Variants in CMAS observed in about 807,000 individuals in gnomAD.
The protein encoded by CMAS is N-acylneuraminate cytidylyltransferase.
Under a neutral mutation model 53.4 loss-of-function variants are expected in CMAS, and 21 were observed. The observed-to-expected ratio is 0.39, with a 90% CI of 0.28 to 0.57. The LOEUF is 0.57. CMAS is among the 20% of genes least tolerant of loss of function. The pLI is 0.56. For missense variants in CMAS, 384 were observed against 534.9 expected (o/e 0.72, Z 2.78); for synonymous variants, 189 against 195.2 (o/e 0.97, Z 0.27).
chr12:22,049,048 G>T (rs1443333927), intron 1 of CMAS, among the ~76,000 whole-genome samples: 1 of 152,120 alleles, frequency 6.6e-6, no homozygotes, highest in Admixed American at 6.5e-5. Flanking sequence ...TAACACTTTA[G>T]TCACCGATTT....
intron 1 of CMAS, among the ~76,000 whole-genome samples, chr12:22,046,777 A>G (rs1950209693): frequency 6.6e-6 from 1 of 152,184 alleles, no homozygotes; most frequent in Admixed American, 6.5e-5. Context: ...GCCAATGGTC[A>G]TAACCTGGGA....
intron 1 of CMAS, among the ~76,000 whole-genome samples, chr12:22,046,895 C>G (rs1317439893): frequency 6.6e-6 from 1 of 152,226 alleles, no homozygotes; most frequent in East Asian, 1.9e-4. Flanking sequence ...AAGGAGGCCA[C>G]CCCGGTGCAA....
intron 6 of CMAS, 127 bp downstream of exon 6, chr12:22,061,579 C>T (rs893325256): frequency 2.4e-5 from 13 of 538,532 alleles, no homozygotes; most frequent in Admixed American, 7.9e-5. Flanking sequence ...GGCCTTCATA[C>T]GCCTAGAAAA....
intron 1 of CMAS, among the ~76,000 whole-genome samples, chr12:22,052,269 G>C (rs1000644341): frequency 2.4e-4 from 36 of 152,096 alleles, no homozygotes; most frequent in African/African-American, 8.4e-4. Flanking sequence ...ACTTTCTCAA[G>C]AAAATAAACT....
In CMAS at chr12:22,058,697, G is replaced by A; in HGVS notation, c.690G>A (p.Leu230=). 3 of 1,612,830 alleles carry A rather than the reference G, an allele frequency of 1.9e-6. No homozygotes were observed. Among genetic ancestry groups the A allele is most frequent in the Non-Finnish European group, 2.5e-6 (3 of 1,179,428 alleles). ...AKRHLIEMGY[L]QGGKMAYYEM... Reference sequence around the variant, plus strand: ...GACATTTGATAGAGATGGGTTACTTGCAGGTTTGTACCTTCATTTTGCATA... The same window carrying A: ...GACATTTGATAGAGATGGGTTACTTACAGGTTTGTACCTTCATTTTGCATA... The change falls in exon 4 of 8, where the codon TTG becomes TTA. Residue 230 remains leucine, a synonymous_variant. Coordinates refer to ENST00000229329, the MANE Select transcript of CMAS (RefSeq NM_018686.6).
At chr12:22,062,968 A>G (rs933448621) in intron 7 of CMAS, among the ~76,000 whole-genome samples, 1 of 152,234 alleles carries the variant, frequency 6.6e-6, no homozygotes, top group Admixed American at 6.5e-5. Flanking sequence ...ATCCCTAAAA[A>G]GGATTACTAT....
At chr12:22,055,341 TC>T (rs1950260942) in intron 2 of CMAS, 50 bp downstream of exon 2, 1 of 1,490,172 alleles carries the variant, frequency 6.7e-7, no homozygotes, top group Non-Finnish European at 9.1e-7. Flanking sequence ...CTTTTCTACT[TC>T]CTTTATTATC....
In CMAS at chr12:22,062,384, A is replaced by G. The variant is rs763452284; in HGVS notation, c.1064A>G (p.Asp355Gly). ...GTATCAGACAAGCTAGCAGTTGTAG[A>G]TGAATGGAGAAAAGAAATGGGCCTG... ...VSVSDKLAVVDEWRKEMGLCW... is the reference protein window; with the variant it reads ...VSVSDKLAVVGEWRKEMGLCW... Residue 355 changes from aspartate to glycine, a missense_variant, in exon 7 of 8, where the codon GAT (aspartate) becomes GGT (glycine). Physicochemically the swap from Asp to Gly is moderately conservative, Grantham distance 94. This residue lies in a region of CMAS where 134 missense variants were observed against 154.6 expected (regional missense o/e 0.87). Coordinates refer to ENST00000229329, the MANE Select transcript of CMAS (RefSeq NM_018686.6). The G allele has an allele frequency of 6.2e-7, 1 of 1,613,710 alleles. No homozygotes were observed. The highest frequency in any genetic ancestry group is 8.5e-7 in the Non-Finnish European group (1 of 1,179,824).
At chr12:22,054,305 C>A (rs1042079495) in intron 1 of CMAS, among the ~76,000 whole-genome samples, 1 of 152,144 alleles carries the variant, frequency 6.6e-6, no homozygotes, top group Non-Finnish European at 1.5e-5. Flanking sequence ...AACAAAACTT[C>A]AATAGAAACT....
rs1043346569 is a variant in CMAS, at chr12:22,050,754, A to G, written c.260+4191A>G. Among the ~76,000 whole-genome samples the G allele has an allele frequency of 5.3e-5, 8 of 152,202 alleles. No individual in the cohort carries two copies. The East Asian group carries it at 7.7e-4, about 15-fold the overall frequency. On this transcript the variant is annotated intron_variant, in intron 1 of 7. Coordinates refer to ENST00000229329, the MANE Select transcript of CMAS (RefSeq NM_018686.6). ...AATGAAAGAGTGTGGCTGTATTCCA[A>G]TAAAATGTTACAGAAACAGGCTGAG...
intron 3 of CMAS, among the ~76,000 whole-genome samples, chr12:22,057,277 A>AT (rs1950274935): frequency 6.6e-6 from 1 of 150,746 alleles, no homozygotes; most frequent in African/African-American, 2.4e-5. Flanking sequence ...ACACACACAG[A>AT]TTTGAGGAAA....
chr12:22,057,516 CTT>C (rs1363119526), intron 3 of CMAS, among the ~76,000 whole-genome samples: 6 of 152,028 alleles, frequency 3.9e-5, no homozygotes, highest in Non-Finnish European at 8.8e-5. Context: ...ATGGAGAAAT[CTT>C]TACTTTTCAG....
rs759276539 is a variant in CMAS, at chr12:22,065,166, G to A, written c.1160G>A (p.Ser387Asn). ...GAGTGCTTGAAGAGAGTGGGCCTAAGTGGCGCTCCTGCTGATGCCTGTTCT... is the reference window on the plus strand; with the variant it reads ...GAGTGCTTGAAGAGAGTGGGCCTAAATGGCGCTCCTGCTGATGCCTGTTCT... ...DEECLKRVGL[S>N]GAPADACSTA... Residue 387 changes from serine to asparagine, a missense_variant, in exon 8 of 8, where the codon AGT becomes AAT. Physicochemically the swap from Ser to Asn is conservative, Grantham distance 46. Transcript: ENST00000229329. 3.7e-6 allele frequency: 6 copies of A among 1,613,930 alleles called. No homozygotes were observed. In the South Asian group the frequency reaches 6.6e-5, roughly 18 times the overall value.
At chr12:22,048,621 A>G (rs527930971) in intron 1 of CMAS, among the ~76,000 whole-genome samples, 55 of 152,320 alleles carry the variant, frequency 3.6e-4, no homozygotes, top group African/African-American at 1.3e-3. Context: ...TTGCAATTAT[A>G]AAAACTTTCC....
intron 1 of CMAS, among the ~76,000 whole-genome samples, chr12:22,046,779 A>G (rs1450423632): frequency 1.3e-5 from 2 of 152,172 alleles, no homozygotes; most frequent in Non-Finnish European, 2.9e-5. Flanking sequence ...CAATGGTCAT[A>G]ACCTGGGACA....
Position 22,060,881 on chromosome 12 carries a change from T to C in CMAS, c.743T>C (p.Ile248Thr), listed in dbSNP as rs1430512374. ...ATGCGAGCTGAACATAGTGTGGATA[T>C]AGATGTGGATATTGATTGGCCTATT... ...YEMRAEHSVD[I>T]DVDIDWPIAE... Residue 248 changes from isoleucine to threonine, a missense_variant, in exon 5 of 8, where the codon ATA becomes ACA. Around this residue, in one of 3 missense-constraint regions of CMAS, gnomAD observed 139 missense variants for 248.0 expected, o/e 0.56. Transcript: ENST00000229329. 1 of 1,612,230 alleles carries C rather than the reference T, an allele frequency of 6.2e-7. No homozygotes were observed. Among genetic ancestry groups the C allele is most frequent in the Non-Finnish European group, 8.5e-7 (1 of 1,178,522 alleles).
intron 3 of CMAS, among the ~76,000 whole-genome samples, chr12:22,058,147 C>T (rs1484266064): frequency 6.6e-6 from 1 of 151,402 alleles, no homozygotes; most frequent in Admixed American, 6.6e-5. Context: ...CTTTATCAGG[C>T]CGGGTGCAGT....
intron 1 of CMAS, among the ~76,000 whole-genome samples, chr12:22,053,422 ATTATATATACACG>A (rs1307991373): frequency 6.7e-6 from 1 of 148,820 alleles, no homozygotes; most frequent in African/African-American, 2.5e-5. Context: ...ATATATACAC[ATTATATATACACG>A]TTATATATAA....
chr12:22,048,814 T>C (rs955172417), intron 1 of CMAS, among the ~76,000 whole-genome samples: 1 of 152,290 alleles, frequency 6.6e-6, no homozygotes, highest in East Asian at 1.9e-4. Flanking sequence ...CTCAGTTGCC[T>C]TGTCTCATAA....
Sources: allele counts gnomAD v4.1 joint callset (sites outside exome capture counted in the v4.1 genomes callset), GRCh38; gene constraint gnomAD v4.1.1; regional missense constraint gnomAD v4.1.1; transcripts MANE v1.5; gene names NCBI Gene and HGNC (gene_info 2026-07-23, HGNC 2026-07-21).